DUSP22: variants seen among roughly 807,000 people sequenced by gnomAD.
The protein encoded by DUSP22 is dual specificity protein phosphatase 22.
Under a neutral mutation model 24.5 loss-of-function variants are expected in DUSP22, and 24 were observed. The observed-to-expected ratio is 0.98, with a 90% CI of 0.71 to 1.38. The LOEUF (loss-of-function observed/expected upper bound fraction) is 1.38, where lower values mean the gene tolerates loss of function less well. Among genes scored for constraint, DUSP22 ranks in the 40% most tolerant of loss-of-function variants. The pLI is 0.00. For missense variants in DUSP22, 330 were observed against 269.2 expected (o/e 1.23, Z -1.58); for synonymous variants, 160 against 106.4 (o/e 1.50, Z -3.10).
chr6:331,889 G>A (rs969783268), intron 3 of DUSP22, among the ~76,000 whole-genome samples: 12 of 152,302 alleles, frequency 7.9e-5, no homozygotes, highest in Admixed American at 3.3e-4. Flanking sequence ...TGTGGATCAC[G>A]CCGACTGGCT....
chr6:345,746 C>T, intron 4 of DUSP22, 108 bp from the exon 5 acceptor site: 1 of 1,374,156 alleles, frequency 7.3e-7, no homozygotes, highest in Non-Finnish European at 1.0e-6. Context: ...GTCAATTATA[C>T]AAAAAAATCA....
Position 351,020 on chromosome 6 carries a change from A to T in DUSP22, c.*2069A>T, listed in dbSNP as rs1561688129. The stretch of plus-strand genomic sequence containing the variant: ...TATATACGTAGTCATGTTTATGTTG[A>T]GAACTAAGGATATTCTTTAGCAAGA... On this transcript the variant is annotated 3_prime_UTR_variant, in exon 7 of 7. Transcript: ENST00000419235. The T allele has an allele frequency of 3.5e-6, 4 of 1,131,490 alleles. No homozygotes were observed. Among genetic ancestry groups the T allele is most frequent in the Middle Eastern group, 2.0e-4 (1 of 5,066 alleles). The allele number at this position is 1,131,490 out of a possible 1,614,324, so 70.1% of individuals were successfully genotyped here.
intron 1 of DUSP22, among the ~76,000 whole-genome samples, chr6:301,834 C>T (rs1020623190): frequency 2.0e-5 from 3 of 152,306 alleles, no homozygotes; most frequent in East Asian, 1.9e-4. Flanking sequence ...AGCCGGGCTC[C>T]AGACGATGAA....
At chr6:336,593 A>G (rs1368049192) in intron 4 of DUSP22, among the ~76,000 whole-genome samples, 7 of 152,302 alleles carry the variant, frequency 4.6e-5, no homozygotes, top group African/African-American at 1.7e-4. Context: ...TTGACATGGG[A>G]AAAGTGAGGT....
chr6:343,959 T>C (rs1176340298), intron 4 of DUSP22, among the ~76,000 whole-genome samples: 3 of 152,306 alleles, frequency 2.0e-5, no homozygotes, highest in Non-Finnish European at 4.4e-5. Flanking sequence ...GGGCAACTTT[T>C]GCTGTTTTAT....
intron 1 of DUSP22, among the ~76,000 whole-genome samples, chr6:296,531 C>G (rs1581139107): frequency 6.6e-6 from 1 of 152,422 alleles, no homozygotes; most frequent in East Asian, 1.9e-4. Flanking sequence ...GTGTTGCATG[C>G]AAATGTCGTG....
chr6:316,307 T>C (rs113697416), intron 3 of DUSP22, among the ~76,000 whole-genome samples: 1,926 of 151,646 alleles, frequency 0.013, no homozygotes, highest in Non-Finnish European at 0.022. Flanking sequence ...TCGGAGCACA[T>C]GATGCTAGTA....
intron 3 of DUSP22, among the ~76,000 whole-genome samples, chr6:324,535 T>G (rs574209652): frequency 1.3e-5 from 2 of 152,424 alleles, no homozygotes; most frequent in East Asian, 3.8e-4. Flanking sequence ...TTCTCTCCAC[T>G]CTCCCACCCC....
intron 3 of DUSP22, 120 bp downstream of exon 3, chr6:312,082 C>T (rs148060295): frequency 5.6e-5 from 61 of 1,085,296 alleles, no homozygotes; most frequent in African/African-American, 4.1e-4. Flanking sequence ...TGATCTCTGG[C>T]GGCATTCCCA....
At chr6:327,485 T>C (rs1758934303) in intron 3 of DUSP22, among the ~76,000 whole-genome samples, 2 of 152,308 alleles carry the variant, frequency 1.3e-5, no homozygotes. Context: ...CATGCATTCC[T>C]TTCTTCATTT....
At chr6:316,640 T>G (rs1207168758) in intron 3 of DUSP22, among the ~76,000 whole-genome samples, 1 of 152,290 alleles carries the variant, frequency 6.6e-6, no homozygotes, top group Non-Finnish European at 1.5e-5. Flanking sequence ...TCCCTTCCCC[T>G]GAAAAAAAGA....
Position 350,690 on chromosome 6 carries a change from T to G in DUSP22, c.*1739T>G. On this transcript the variant is annotated 3_prime_UTR_variant, in exon 7 of 7. Coordinates refer to ENST00000419235, the MANE Select transcript of DUSP22 (RefSeq NM_001286555.3). ...TTTTCCTAAGCCAAAAATAAATACGTTAACAGAAAAATGATTTAGGATATA... is the reference window on the plus strand; with the variant it reads ...TTTTCCTAAGCCAAAAATAAATACGGTAACAGAAAAATGATTTAGGATATA... The G allele has an allele frequency of 6.3e-7, 1 of 1,575,700 alleles. No individual in the cohort carries two copies. Among genetic ancestry groups the G allele is most frequent in the Admixed American group, 1.8e-5 (1 of 54,054 alleles).
At chr6:322,830 T>TGGCGGGGG (rs1554100347) in intron 3 of DUSP22, among the ~76,000 whole-genome samples, 3 of 18,802 alleles carry the variant, frequency 1.6e-4, no homozygotes, top group African/African-American at 3.7e-4. Flanking sequence ...GGCTGCTTGG[T>TGGCGGGGG]GGGGCGGGGG....
chr6:346,007 G>A, intron 5 of DUSP22, 79 bp downstream of exon 5: 1 of 1,561,734 alleles, frequency 6.4e-7, no homozygotes, highest in Non-Finnish European at 8.8e-7. Context: ...TTCCGTGTGT[G>A]AATAATGGTT....
chr6:315,748 G>T (rs1484129520), intron 3 of DUSP22, among the ~76,000 whole-genome samples: 1 of 152,306 alleles, frequency 6.6e-6, no homozygotes, highest in Non-Finnish European at 1.5e-5. Flanking sequence ...TCCCTTTGAA[G>T]ACAAAGGGTT....
At chr6:314,793 T>G (rs2797321) in intron 3 of DUSP22, among the ~76,000 whole-genome samples, 151,776 of 152,426 alleles carry the variant, frequency 1, 75,563 homozygotes, top group Non-Finnish European at 1. Context: ...ATCCAGGGGA[T>G]GTAAGTAAGG....
Position 350,264 on chromosome 6 carries a change from T to G in DUSP22, c.*1313T>G. The G allele has an allele frequency of 1.0e-6, 1 of 989,112 alleles. No individual in the cohort carries two copies. 61.3% of individuals were successfully genotyped at this position (989,112 alleles called of 1,614,324 possible). A position where few individuals can be genotyped will look rare whatever the true frequency, so the allele number is the denominator to read the frequency against. ...AGTAATGCTTTCTGGTGGGTAAAAT[T>G]CCACATTCAGGCCACGAGAGCATCT... On this transcript the variant is annotated 3_prime_UTR_variant, in exon 7 of 7. Transcript: ENST00000419235.
intron 2 of DUSP22, among the ~76,000 whole-genome samples, chr6:307,645 G>A (rs1408875146): frequency 1.3e-5 from 2 of 152,308 alleles, no homozygotes; most frequent in Non-Finnish European, 2.9e-5. Context: ...GGGTGGGTCC[G>A]TGGCTTCCTT....
At chr6:301,257 G>A (rs1404294327) in intron 1 of DUSP22, among the ~76,000 whole-genome samples, 5 of 115,330 alleles carry the variant, frequency 4.3e-5, no homozygotes, top group Non-Finnish European at 6.8e-5. Flanking sequence ...CATACCCAAG[G>A]GATAAAGGAC....
Sources: gnomAD v4.1 joint callset for allele counts (sites outside exome capture counted in the v4.1 genomes callset) on GRCh38, gnomAD v4.1.1 for gene constraint, MANE v1.5 for transcripts, NCBI Gene and HGNC (gene_info 2026-07-23, HGNC 2026-07-21) for gene names.